Variants in ABCC4 observed in about 807,000 individuals in gnomAD.
ABCC4 encodes the protein ATP binding cassette subfamily C member 4 (PEL blood group).
Under a neutral mutation model 168.5 loss-of-function variants are expected in ABCC4, and 102 were observed. That is an observed-to-expected ratio of 0.61 (90% CI 0.52 to 0.71). The LOEUF is 0.71. Ranked by LOEUF, ABCC4 falls within the 30% of genes least tolerant of loss-of-function variation. The pLI is 0.00. For synonymous variants in ABCC4, 617 were observed against 590.7 expected (o/e 1.04, Z -0.65); for missense variants, 1,402 against 1,605.8 (o/e 0.87, Z 2.17).
At chr13:95,216,627 A>G (rs1354131972) in intron 4 of ABCC4, among the ~76,000 whole-genome samples, 2 of 112,610 alleles carry the variant, frequency 1.8e-5, no homozygotes, top group Non-Finnish European at 4.0e-5. Context: ...AAAAAAAAAA[A>G]AAAAACCAGC....
At chr13:95,171,064 C>T (rs2037456653) in intron 13 of ABCC4, among the ~76,000 whole-genome samples, 1 of 148,682 alleles carries the variant, frequency 6.7e-6, no homozygotes, top group Non-Finnish European at 1.5e-5. Flanking sequence ...CCCTCCACCC[C>T]CCGCAAAAAG....
At position 95,247,724 on chromosome 13, in the gene ABCC4, T is replaced by C; in HGVS notation, c.104A>G (p.His35Arg). The C allele has an allele frequency of 6.2e-7, 1 of 1,614,100 alleles. No individual in the cohort carries two copies. The highest frequency in any genetic ancestry group is 1.1e-5 in the South Asian group (1 of 91,062). The change falls in exon 2 of 31, where the codon CAT (histidine) becomes CGT (arginine). Residue 35 changes from histidine to arginine, a missense_variant. By Grantham distance (29) the His-to-Arg change is conservative (BLOSUM62 0). Around this residue, in one of 3 missense-constraint regions of ABCC4, gnomAD observed 317 missense variants for 345.5 expected, o/e 0.92. Transcript: ENST00000645237. ...ATCATCTTCCTCTAATCTCCGTTTA[T>C]GGCCAATTTTAAACAAGGGATTGAG... ...WWLNPLFKIG[H>R]KRRLEEDDMY...
chr13:95,061,566 CTGTG>C (rs1195263982), intron 26 of ABCC4, among the ~76,000 whole-genome samples: 1 of 150,146 alleles, frequency 6.7e-6, no homozygotes, highest in Non-Finnish European at 1.5e-5. Context: ...TGTCTCCTCT[CTGTG>C]TTTCTCTTCT....
intron 20 of ABCC4, among the ~76,000 whole-genome samples, chr13:95,106,386 C>T (rs967662768): frequency 2.6e-5 from 4 of 151,268 alleles, no homozygotes; most frequent in Admixed American, 6.6e-5. Flanking sequence ...CGCACACACA[C>T]GTATATTTTA....
At chr13:95,262,003 C>G (rs949693214) in intron 1 of ABCC4, among the ~76,000 whole-genome samples, 1 of 151,934 alleles carries the variant, frequency 6.6e-6, no homozygotes, top group African/African-American at 2.4e-5. Flanking sequence ...ACTCTGGAGG[C>G]TGAGGTAGGA....
chr13:95,094,907 T>G (rs959545161), intron 20 of ABCC4, among the ~76,000 whole-genome samples: 5 of 152,084 alleles, frequency 3.3e-5, no homozygotes, highest in Non-Finnish European at 5.9e-5. Context: ...TCACTATCAC[T>G]AATGACTAGG....
At chr13:95,298,821 C>T (rs1267214254) in intron 1 of ABCC4, among the ~76,000 whole-genome samples, 1 of 152,154 alleles carries the variant, frequency 6.6e-6, no homozygotes, top group Non-Finnish European at 1.5e-5. Context: ...CCACTCTCAG[C>T]TTAAGTGTCC....
chr13:95,210,497 G>A (rs1460853962), intron 5 of ABCC4, among the ~76,000 whole-genome samples, 195 bp downstream of exon 5: 1 of 152,182 alleles, frequency 6.6e-6, no homozygotes, highest in Admixed American at 6.5e-5. Flanking sequence ...ATGCACACCT[G>A]TAGTCACAGC....
chr13:95,090,462 G>A (rs2034395812), intron 20 of ABCC4, among the ~76,000 whole-genome samples: 2 of 152,168 alleles, frequency 1.3e-5, no homozygotes, highest in African/African-American at 4.8e-5. Context: ...ACTCTCTGCA[G>A]ACAACCGCCA....
chr13:95,078,793 T>C (rs1181120736), intron 21 of ABCC4, among the ~76,000 whole-genome samples: 1 of 152,146 alleles, frequency 6.6e-6, no homozygotes, highest in Non-Finnish European at 1.5e-5. Flanking sequence ...ACTGAACGCG[T>C]CCATCATATA....
At chr13:95,039,719 T>A (rs2032274060) in intron 29 of ABCC4, among the ~76,000 whole-genome samples, 1 of 152,166 alleles carries the variant, frequency 6.6e-6, no homozygotes, top group Non-Finnish European at 1.5e-5. Flanking sequence ...ATATTCCAGG[T>A]AGCTGTCCTA....
chr13:95,194,753 T>C (rs1311527056), intron 9 of ABCC4, 83 bp downstream of exon 9: 8 of 1,095,296 alleles, frequency 7.3e-6, no homozygotes, highest in Non-Finnish European at 9.4e-6. Context: ...TTTTATACCA[T>C]GTGTAACACC....
intron 11 of ABCC4, among the ~76,000 whole-genome samples, chr13:95,181,627 G>A (rs1432994371): frequency 1.3e-5 from 2 of 152,210 alleles, no homozygotes; most frequent in Non-Finnish European, 2.9e-5. Context: ...ACCAACCACT[G>A]TTCCTGATGC....
intron 10 of ABCC4, among the ~76,000 whole-genome samples, chr13:95,187,594 A>G (rs2038109576): frequency 6.6e-6 from 1 of 152,220 alleles, no homozygotes; most frequent in Non-Finnish European, 1.5e-5. Context: ...ACAGAGCGAG[A>G]CCATGTCTCA....
intron 27 of ABCC4, among the ~76,000 whole-genome samples, chr13:95,048,562 A>G (rs551686927): frequency 1.3e-5 from 2 of 152,350 alleles, no homozygotes; most frequent in Admixed American, 1.3e-4. Flanking sequence ...GAACGAAGCG[A>G]GCGGAAGCCC....
intron 4 of ABCC4, among the ~76,000 whole-genome samples, chr13:95,231,426 G>A (rs535805263): frequency 3.9e-5 from 6 of 152,190 alleles, no homozygotes; most frequent in Non-Finnish European, 7.4e-5. Context: ...ACCAAATGTC[G>A]ACGACGGGCT....
At position 95,207,175 on chromosome 13, in the gene ABCC4, G is replaced by A. The variant is rs187937532; in HGVS notation, c.912-394C>T. On this transcript the variant is annotated intron_variant, in intron 7 of 30. Transcript: ENST00000645237. ...CTCAAGTAGCTAGGATTACAGGCAT[G>A]TGCCACCACGCCCAGCAAATGTTTG... 2.3e-4 allele frequency among the ~76,000 whole-genome samples: 35 copies of A among 152,298 alleles called. No individual in the cohort carries two copies. The East Asian group carries it at 6.8e-3, about 29-fold the overall frequency.
intron 6 of ABCC4, 69 bp downstream of exon 6, chr13:95,209,365 A>T: frequency 1.3e-6 from 2 of 1,531,740 alleles, no homozygotes; most frequent in Non-Finnish European, 1.8e-6. Context: ...GTTTCTGAAC[A>T]AAAGCATTGG....
At chr13:95,200,731 A>C (rs995413467) in intron 8 of ABCC4, among the ~76,000 whole-genome samples, 1 of 152,164 alleles carries the variant, frequency 6.6e-6, no homozygotes, top group Non-Finnish European at 1.5e-5. Context: ...AAACAAAACA[A>C]AACAAAACAA....
Sources: gnomAD v4.1 joint callset for allele counts (sites outside exome capture counted in the v4.1 genomes callset) on GRCh38, gnomAD v4.1.1 for gene constraint, gnomAD v4.1.1 regional missense constraint, MANE v1.5 for transcripts, NCBI Gene and HGNC (gene_info 2026-07-23, HGNC 2026-07-21) for gene names.